Variants in ALPK1 observed in about 807,000 individuals in gnomAD.
The protein encoded by ALPK1 is alpha kinase 1.
ALPK1 carries 110 observed loss-of-function variants against 120.6 expected under a neutral mutation model. The observed-to-expected ratio is 0.91, with a 90% CI of 0.78 to 1.07. ALPK1 has a LOEUF of 1.07. ALPK1 is among the 50% of genes least tolerant of loss of function. ALPK1 has a pLI of 0.00. For missense variants in ALPK1, 1,498 were observed against 1,483.9 expected (o/e 1.01, Z -0.16); for synonymous variants, 582 against 560.3 (o/e 1.04, Z -0.55).
chr4:112,308,368 G>A (rs1197202173), intron 1 of ALPK1, among the ~76,000 whole-genome samples: 4 of 152,016 alleles, frequency 2.6e-5, no homozygotes, highest in Admixed American at 1.3e-4. Context: ...CATTCTCCCC[G>A]TCACTCTCAG....
chr4:112,400,864 T>C (rs1732876562), intron 4 of ALPK1, among the ~76,000 whole-genome samples: 1 of 152,082 alleles, frequency 6.6e-6, no homozygotes, highest in South Asian at 2.1e-4. Flanking sequence ...GGCAGGAAGA[T>C]GTGAAGAGAA....
intron 2 of ALPK1, among the ~76,000 whole-genome samples, chr4:112,371,012 A>G (rs1225546048): frequency 6.6e-6 from 1 of 152,142 alleles, no homozygotes; most frequent in Non-Finnish European, 1.5e-5. Context: ...ACATGGTAAC[A>G]TTGTCCACTC....
At chr4:112,326,290 A>G (rs978643743) in intron 2 of ALPK1, among the ~76,000 whole-genome samples, 1 of 152,138 alleles carries the variant, frequency 6.6e-6, no homozygotes, top group African/African-American at 2.4e-5. Context: ...TTGTGCTAAG[A>G]TTTTATCTTT....
In ALPK1 at chr4:112,431,083, T is replaced by G; in HGVS notation, c.1536T>G (p.Cys512Trp). The change falls in exon 11 of 16, where the codon TGT (cysteine) becomes TGG (tryptophan). Residue 512 changes from cysteine to tryptophan, a missense_variant. Cys to Trp is a radical substitution (Grantham distance 215). Transcript: ENST00000650871. The part of the protein sequence containing the change: ...TVSTTQEKPH[C>W]QRDTGISSSL... ...GTACTACTCAAGAAAAGCCACATTGTCAAAGAGACACAGGAATATCTTCCT... is the reference window on the plus strand; with the variant it reads ...GTACTACTCAAGAAAAGCCACATTGGCAAAGAGACACAGGAATATCTTCCT... 6.2e-7 allele frequency: 1 copy of G among 1,614,202 alleles called. No homozygotes were observed. The highest frequency in any genetic ancestry group is 8.5e-7 in the Non-Finnish European group (1 of 1,180,042).
At chr4:112,430,331 A>C in intron 10 of ALPK1, 117 bp from the exon 11 acceptor site, 1 of 1,009,942 alleles carries the variant, frequency 9.9e-7, no homozygotes. Flanking sequence ...TGTATGTGGC[A>C]TGTGTTCATT....
In ALPK1 at chr4:112,431,392, T is replaced by C. The variant is rs371985892; in HGVS notation, c.1845T>C (p.His615=). Residue 615 remains histidine (H), a synonymous_variant, in exon 11 of 16, where the codon CAT becomes CAC. Coordinates refer to ENST00000650871, the MANE Select transcript of ALPK1 (RefSeq NM_025144.4). The part of the protein sequence containing the change: ...RSARKEPGKE[H]LVDTQCSTAL... ...CCAGAAAAGAGCCTGGCAAAGAACA[T>C]CTGGTGGACACTCAGTGTTCCACTG... 6.2e-6 allele frequency: 10 copies of C among 1,614,028 alleles called. No homozygotes were observed. The highest frequency in any genetic ancestry group is 1.3e-5 in the African/African-American group (1 of 74,912).
intron 4 of ALPK1, among the ~76,000 whole-genome samples, chr4:112,410,206 G>T (rs1733388068): frequency 6.6e-6 from 1 of 151,770 alleles, no homozygotes; most frequent in South Asian, 2.1e-4. Flanking sequence ...TCCCTACCTG[G>T]GCCTCTCCAG....
In ALPK1 at chr4:112,357,679, G is replaced by C. The variant is rs376437765; in HGVS notation, c.-100-19999G>C. On this transcript the variant is annotated intron_variant, in intron 2 of 15. Transcript: ENST00000650871. ...GGTGGGGATCATCCCCAGAGGCCCC[G>C]ACGGAGCCCAGTTGAGCTCCGCGTT... 1.9e-4 allele frequency: 309 copies of C among 1,599,388 alleles called. 1 individual carries two copies. In the East Asian group the frequency reaches 6.2e-3, roughly 32 times the overall value.
chr4:112,356,818 G>A (rs765942832), intron 2 of ALPK1: 4 of 727,786 alleles, frequency 5.5e-6, no homozygotes, highest in Non-Finnish European at 1.0e-5. Flanking sequence ...GTTAGTTGTT[G>A]GATGCCAAGA....
intron 1 of ALPK1, among the ~76,000 whole-genome samples, chr4:112,308,927 G>A (rs1728258528): frequency 6.6e-6 from 1 of 152,104 alleles, no homozygotes; most frequent in African/African-American, 2.4e-5. Flanking sequence ...TGGGGTTTTG[G>A]TGTGGATGTC....
At chr4:112,356,920 C>T in intron 2 of ALPK1, 2 of 757,218 alleles carry the variant, frequency 2.6e-6, no homozygotes, top group Middle Eastern at 2.3e-4. Flanking sequence ...GATTGGCATC[C>T]TTTGACCTGA....
intron 5 of ALPK1, chr4:112,412,497 C>A: frequency 2.2e-6 from 1 of 456,096 alleles, no homozygotes; most frequent in Non-Finnish European, 4.4e-6. Context: ...TTCAGAACAC[C>A]GGTACAGTAC....
chr4:112,381,698 C>T (rs1226867708), intron 3 of ALPK1, among the ~76,000 whole-genome samples: 1 of 152,292 alleles, frequency 6.6e-6, no homozygotes, highest in African/African-American at 2.4e-5. Context: ...TATAAATAGC[C>T]TCTAGTTAAT....
Position 112,438,584 on chromosome 4 carries a change from A to C in ALPK1, c.3289A>C (p.Lys1097Gln). 6.2e-7 allele frequency: 1 copy of C among 1,613,874 alleles called. No individual in the cohort carries two copies. Among genetic ancestry groups the C allele is most frequent in the Non-Finnish European group, 8.5e-7 (1 of 1,179,836 alleles). The change falls in exon 13 of 16, where the codon AAG (lysine) becomes CAG (glutamine). Residue 1097 changes from lysine to glutamine, a missense_variant. Transcript: ENST00000650871. ...ACAGCACTATGTGACAGAATTTAAC[A>C]AGAGACTCTATGAACAAAACATTCC... ...TAQHYVTEFN[K>Q]RLYEQNIPTQ...
intron 4 of ALPK1, among the ~76,000 whole-genome samples, chr4:112,406,591 C>T (rs1733184337): frequency 2.0e-5 from 3 of 152,192 alleles, no homozygotes; most frequent in Admixed American, 1.3e-4. Context: ...ACCCCTCTTT[C>T]ACCACTAAAC....
intron 4 of ALPK1, chr4:112,383,624 T>G (rs1732021145): frequency 6.6e-6 from 1 of 152,132 alleles, no homozygotes; most frequent in African/African-American, 2.4e-5. Flanking sequence ...GAGCCAGGGT[T>G]TTAAATAAAT....
chr4:112,303,572 C>T (rs144076584), intron 1 of ALPK1, among the ~76,000 whole-genome samples: 383 of 152,270 alleles, frequency 2.5e-3, no homozygotes, highest in African/African-American at 8.5e-3. Context: ...TGCACCATAC[C>T]GTGATCTCCT....
intron 2 of ALPK1, among the ~76,000 whole-genome samples, chr4:112,348,125 A>C (rs1294898112): frequency 6.6e-6 from 1 of 152,200 alleles, no homozygotes; most frequent in Non-Finnish European, 1.5e-5. Context: ...TTTGCTCTGC[A>C]ACTTAGCCGC....
At chr4:112,429,284 C>G in intron 10 of ALPK1, 31 bp downstream of exon 10, 2 of 1,546,364 alleles carry the variant, frequency 1.3e-6, no homozygotes, top group Non-Finnish European at 1.8e-6. Flanking sequence ...CTCAAACCCC[C>G]ACAGGACCTC....
Sources: gnomAD v4.1 joint callset for allele counts (sites outside exome capture counted in the v4.1 genomes callset) on GRCh38, gnomAD v4.1.1 for gene constraint, MANE v1.5 for transcripts, NCBI Gene and HGNC (gene_info 2026-07-23, HGNC 2026-07-21) for gene names.